The following TUBGCP3 variants were observed in gnomAD, a reference collection of about 807,000 sequenced individuals.
The protein encoded by TUBGCP3 is tubulin gamma complex component 3, also known as gamma-tubulin complex component 3.
A neutral mutation model predicts 123.1 loss-of-function variants in TUBGCP3; 50 were observed. The observed-to-expected ratio is 0.41, with a 90% CI of 0.32 to 0.51. TUBGCP3 has a LOEUF of 0.51. TUBGCP3 is among the 20% of genes least tolerant of loss of function. The pLI is 0.36. For missense variants in TUBGCP3, 882 were observed against 1,127.0 expected, an observed-to-expected ratio of 0.78 and a Z score of 3.11; for synonymous variants, 405 against 413.9, an observed-to-expected ratio of 0.98 and a Z score of 0.26.
rs1332827244 is a variant in TUBGCP3, at chr13:112,526,962, G to T, written c.1535C>A (p.Ser512Tyr). 6.2e-7 allele frequency: 1 copy of T among 1,614,018 alleles called. No homozygotes were observed. The highest frequency in any genetic ancestry group is 8.5e-7 in the Non-Finnish European group (1 of 1,179,862). ...CATACCGTCCTGGGGTGACTCTGCA[G>T]ACTTGGTCACAGCTATCATCTTTGT... ...PTTKMIAVTK[S>Y]AESPQDAADL... is the part of the protein sequence containing the mutation. Residue 512 changes from serine to tyrosine, a missense_variant, in exon 13 of 22, where the codon TCT (serine) becomes TAT (tyrosine). Transcript: ENST00000261965.
chr13:112,532,785 T>C (rs185236032), intron 11 of TUBGCP3, among the ~76,000 whole-genome samples: 35 of 151,422 alleles, frequency 2.3e-4, no homozygotes, highest in African/African-American at 6.9e-4. Flanking sequence ...CAAACTCTTA[T>C]AGCCTTCTAC....
chr13:112,580,359 T>A (rs7990841), intron 1 of TUBGCP3, among the ~76,000 whole-genome samples: 45,182 of 151,676 alleles, frequency 0.3, 7,389 homozygotes, highest in African/African-American at 0.42. Flanking sequence ...AAGTCAGCCC[T>A]GCGTGGTGGC....
chr13:112,506,086 A>G (rs1052881030), intron 17 of TUBGCP3, among the ~76,000 whole-genome samples: 3 of 152,224 alleles, frequency 2.0e-5, no homozygotes, highest in African/African-American at 4.8e-5. Context: ...CAAAAGACAA[A>G]AAAAGAACTT....
At chr13:112,592,524 T>C (rs879911486), upstream of TUBGCP3, among the ~76,000 whole-genome samples, 2 of 152,226 alleles carry the variant, frequency 1.3e-5, no homozygotes, top group Non-Finnish European at 2.9e-5. The surrounding 1 kb of genome is among the most constrained non-coding windows in gnomAD (Gnocchi z 4.1). Flanking sequence ...GAAGGGATAC[T>C]GTCTCACTGC....
intron 11 of TUBGCP3, among the ~76,000 whole-genome samples, chr13:112,531,792 C>T (rs768079491): frequency 6.6e-6 from 1 of 151,886 alleles, no homozygotes; most frequent in South Asian, 2.1e-4. Context: ...ATAATTAATT[C>T]TGTGAAAAAT....
intron 1 of TUBGCP3, among the ~76,000 whole-genome samples, chr13:112,569,548 G>A (rs1211280785): frequency 1.3e-5 from 2 of 151,976 alleles, no homozygotes; most frequent in Non-Finnish European, 2.9e-5. Context: ...GAACAGAAAG[G>A]GTCACATCCC....
Position 112,545,630 on chromosome 13 carries a change from A to G in TUBGCP3, c.1335+69T>C. The G allele has an allele frequency of 6.4e-7, 1 of 1,566,686 alleles. No individual in the cohort carries two copies. Among genetic ancestry groups the G allele is most frequent in the Non-Finnish European group, 8.8e-7 (1 of 1,141,752 alleles). On this transcript the variant is annotated intron_variant, in intron 11 of 21. Coordinates refer to ENST00000261965, the MANE Select transcript of TUBGCP3 (RefSeq NM_006322.6). The surrounding 1 kb of genome is among the most constrained non-coding windows in gnomAD (Gnocchi z 4.1). ...AGAACATGGTAATCATGAGGGGAAA[A>G]ATGAAACAGCATAACTGCGTGCCCA...
chr13:112,497,642 G>A (rs964719685), intron 20 of TUBGCP3, among the ~76,000 whole-genome samples: 2 of 152,172 alleles, frequency 1.3e-5, no homozygotes, highest in Non-Finnish European at 2.9e-5. Context: ...TGTGAACATC[G>A]CTGAGTGCCT....
At chr13:112,546,774 C>T (rs1879033327) in intron 10 of TUBGCP3, 1 of 152,198 alleles carries the variant, frequency 6.6e-6, no homozygotes, top group Non-Finnish European at 1.5e-5. Context: ...GGAGAAAACG[C>T]TGGCGTTTAT....
In TUBGCP3 at chr13:112,504,715, C is replaced by A. The variant is rs1881170093; in HGVS notation, c.2087-1G>T. The A allele has an allele frequency of 6.2e-7, 1 of 1,612,966 alleles. No individual in the cohort carries two copies. The highest frequency in any genetic ancestry group is 8.5e-7 in the Non-Finnish European group (1 of 1,179,360). On this transcript the variant is annotated splice_acceptor_variant, in intron 17 of 21. Transcript: ENST00000261965. LOFTEE classifies it high-confidence loss of function. ...CACTGGTGCAGCACCCCGGAGAACT[C>A]TGCAAGGGAAGAGTTGACGTCAGAG...
chr13:112,556,187 G>C lies in TUBGCP3; in HGVS notation c.586C>G (p.Arg196Gly). Residue 196 changes from arginine to glycine, a missense_variant, in exon 6 of 22, where the codon CGA becomes GGA. By Grantham distance (125) the Arg-to-Gly change is moderately radical (BLOSUM62 -2). Around this residue, in one of 3 missense-constraint regions of TUBGCP3, gnomAD observed 713 missense variants for 874.0 expected, o/e 0.82. Transcript: ENST00000261965. ...GCGAGTCGTGACCCCAACTGCTGTC[G>C]AAGGCAATCTCCTACTCCTGGAGCT... ...NQAPGVGDCL[R>G]QQLGSRLAWT... 1 of 1,614,066 alleles carries C rather than the reference G, an allele frequency of 6.2e-7. No homozygotes were observed. The highest frequency in any genetic ancestry group is 8.5e-7 in the Non-Finnish European group (1 of 1,180,012).
intron 20 of TUBGCP3, among the ~76,000 whole-genome samples, chr13:112,497,369 G>A (rs921944913): frequency 4.6e-5 from 7 of 152,170 alleles, no homozygotes; most frequent in South Asian, 4.1e-4. Flanking sequence ...ACCAAAATTC[G>A]CTTTGAATGA....
intron 11 of TUBGCP3, among the ~76,000 whole-genome samples, chr13:112,530,079 C>T (rs549083458): frequency 1.4e-4 from 22 of 152,278 alleles, no homozygotes; most frequent in Non-Finnish European, 2.5e-4. Flanking sequence ...GGTTGCTTAA[C>T]GTATTCTAGG....
intron 1 of TUBGCP3, among the ~76,000 whole-genome samples, chr13:112,581,514 C>T (rs1051836701): frequency 1.3e-5 from 2 of 150,864 alleles, no homozygotes; most frequent in African/African-American, 4.9e-5. Flanking sequence ...GGTAAGATCT[C>T]GGCTCCCTGC....
chr13:112,499,290 T>C (rs894375074), intron 19 of TUBGCP3, 105 bp from the exon 20 acceptor site: 86 of 1,376,140 alleles, frequency 6.2e-5, no homozygotes, highest in Non-Finnish European at 7.7e-5. Context: ...AGATATCAAC[T>C]GAAATTCCCA....
rs372188896 is a variant in TUBGCP3 at position 112,549,924 on chromosome 13, G to A, written c.967-1748C>T. 1.5e-4 allele frequency among the ~76,000 whole-genome samples: 23 copies of A among 150,660 alleles called. No individual in the cohort carries two copies. The East Asian group carries it at 2.0e-3, about 13-fold the overall frequency. On this transcript the variant is annotated intron_variant, in intron 8 of 21. Transcript: ENST00000261965. Reference sequence around the variant, plus strand: ...AGAATGGCTTGAACACAGGAGGCGGGGCTTGCAGTGAGCCAAGATCACAAC... The same window carrying A: ...AGAATGGCTTGAACACAGGAGGCGGAGCTTGCAGTGAGCCAAGATCACAAC...
intron 8 of TUBGCP3, among the ~76,000 whole-genome samples, chr13:112,548,570 T>G (rs1232922220): frequency 6.6e-6 from 1 of 152,054 alleles, no homozygotes; most frequent in Non-Finnish European, 1.5e-5. Flanking sequence ...GGGAGAAAAT[T>G]TTTACAATCT....
chr13:112,550,072 G>T (rs1456260030), intron 8 of TUBGCP3, among the ~76,000 whole-genome samples: 3 of 151,044 alleles, frequency 2.0e-5, no homozygotes, highest in Non-Finnish European at 4.4e-5. Context: ...GAGGCACCCT[G>T]ATACACCTGC....
chr13:112,541,815 T>C (rs1389557469), intron 11 of TUBGCP3, among the ~76,000 whole-genome samples: 2 of 152,214 alleles, frequency 1.3e-5, no homozygotes, highest in Admixed American at 6.5e-5. Flanking sequence ...GGTTTATCAA[T>C]TGATCAGCAA....
Sources: allele counts gnomAD v4.1 joint callset (sites outside exome capture counted in the v4.1 genomes callset), GRCh38; gene constraint gnomAD v4.1.1; regional missense constraint gnomAD v4.1.1; non-coding constraint Gnocchi (gnomAD v3.1); transcripts MANE v1.5; gene names NCBI Gene and HGNC (gene_info 2026-07-23, HGNC 2026-07-21).